LOC128462377: variants seen among roughly 807,000 people sequenced by gnomAD.
the LOC128462377 span, among the ~76,000 whole-genome samples, chr16:89,417,945 G>T: frequency 2.0e-5 from 3 of 152,202 alleles, no homozygotes; most frequent in Non-Finnish European, 4.4e-5. Context: ...AGCACAGGGT[G>T]GGGGTCTCAG....
chr16:89,329,490 G>A, the LOC128462377 span, among the ~76,000 whole-genome samples: 3 of 152,146 alleles, frequency 2.0e-5, no homozygotes, highest in Admixed American at 6.5e-5. Context: ...TTTCCCCAAC[G>A]GTATACGTTT....
the LOC128462377 span, among the ~76,000 whole-genome samples, chr16:89,326,795 T>C: frequency 7.9e-5 from 12 of 152,244 alleles, no homozygotes; most frequent in Middle Eastern, 0.01. Flanking sequence ...GAAAAAGTGC[T>C]TGGCCCAGAG....
At chr16:89,398,387 A>G in the LOC128462377 span, among the ~76,000 whole-genome samples, 13 of 51,982 alleles carry the variant, frequency 2.5e-4, no homozygotes, top group African/African-American at 8.1e-4. Flanking sequence ...TGTGAAACAG[A>G]TGAAGATTAC....
the LOC128462377 span, among the ~76,000 whole-genome samples, chr16:89,319,288 T>G: frequency 1.3e-5 from 2 of 152,340 alleles, no homozygotes; most frequent in South Asian, 4.1e-4. Context: ...CTGAGACACC[T>G]GATTCTCTTC....
the LOC128462377 span, among the ~76,000 whole-genome samples, chr16:89,346,187 G>A: frequency 6.9e-6 from 1 of 145,376 alleles, no homozygotes; most frequent in South Asian, 2.3e-4. Flanking sequence ...AGGTGAGGTT[G>A]TAATGAGCCA....
At chr16:89,379,950 C>T in the LOC128462377 span, among the ~76,000 whole-genome samples, 1 of 152,182 alleles carries the variant, frequency 6.6e-6, no homozygotes, top group African/African-American at 2.4e-5. Context: ...TCTCAAAACA[C>T]ACACTTTCAT....
the LOC128462377 span, among the ~76,000 whole-genome samples, chr16:89,355,717 T>C: frequency 6.6e-6 from 1 of 152,246 alleles, no homozygotes. Flanking sequence ...GAACTTCATC[T>C]TGTTATGAGC....
chr16:89,385,517 C>T, the LOC128462377 span, among the ~76,000 whole-genome samples: 1 of 152,174 alleles, frequency 6.6e-6, no homozygotes, highest in Non-Finnish European at 1.5e-5. Context: ...ACACCGAGAC[C>T]CTGTGGGTAT....
the LOC128462377 span, among the ~76,000 whole-genome samples, chr16:89,331,985 CA>C: frequency 1.3e-5 from 2 of 151,764 alleles, no homozygotes; most frequent in Non-Finnish European, 1.5e-5. Context: ...ACAAAACATT[CA>C]AAAAAAATTT....
At chr16:89,358,207 C>A in the LOC128462377 span, among the ~76,000 whole-genome samples, 1 of 152,222 alleles carries the variant, frequency 6.6e-6, no homozygotes, top group African/African-American at 2.4e-5. Flanking sequence ...AGGCCACAGC[C>A]CCCACACCTC....
the LOC128462377 span, among the ~76,000 whole-genome samples, chr16:89,394,167 G>T: frequency 1.3e-5 from 2 of 152,138 alleles, no homozygotes; most frequent in African/African-American, 4.8e-5. Context: ...GTCCTCCTGA[G>T]GTCAACGGGC....
the LOC128462377 span, chr16:89,361,529 G>A: frequency 2.0e-5 from 3 of 152,234 alleles, no homozygotes; most frequent in African/African-American, 7.2e-5. Flanking sequence ...TTTCTTCTTT[G>A]GTTATGATGC....
At chr16:89,403,800 A>G in the LOC128462377 span, 4 of 152,136 alleles carry the variant, frequency 2.6e-5, no homozygotes, top group African/African-American at 9.7e-5. Flanking sequence ...GGGTGTGGTG[A>G]CATGCGTCTG....
At chr16:89,354,611 G>T in the LOC128462377 span, among the ~76,000 whole-genome samples, 1 of 152,218 alleles carries the variant, frequency 6.6e-6, no homozygotes, top group African/African-American at 2.4e-5. Context: ...GCAGGGCACG[G>T]TGGCTCACTC....
chr16:89,382,293 T>C, the LOC128462377 span, among the ~76,000 whole-genome samples: 1 of 151,730 alleles, frequency 6.6e-6, no homozygotes, highest in Non-Finnish European at 1.5e-5. Context: ...CATCTTAAAC[T>C]AGACAGCCAG....
chr16:89,397,988 A>C, the LOC128462377 span, among the ~76,000 whole-genome samples: 14 of 152,264 alleles, frequency 9.2e-5, no homozygotes, highest in African/African-American at 3.1e-4. Context: ...CACCAAAAAC[A>C]ACCACAAAGC....
chr16:89,346,522 C>T, the LOC128462377 span, among the ~76,000 whole-genome samples: 1 of 152,332 alleles, frequency 6.6e-6, no homozygotes, highest in Non-Finnish European at 1.5e-5. Context: ...GACAACTACA[C>T]CACACGCCTA....
chr16:89,404,264 C>CTG, the LOC128462377 span, among the ~76,000 whole-genome samples: 5 of 152,160 alleles, frequency 3.3e-5, 1 homozygote, highest in Non-Finnish European at 7.3e-5. Context: ...TATCCACCCT[C>CTG]ACCAAGGCAC....
chr16:89,400,985 G>T, the LOC128462377 span, among the ~76,000 whole-genome samples: 4 of 152,192 alleles, frequency 2.6e-5, no homozygotes, highest in South Asian at 2.1e-4. Flanking sequence ...GCCTGGCATG[G>T]CACCCAAGAC....
Sources: allele counts gnomAD v4.1 joint callset (sites outside exome capture counted in the v4.1 genomes callset), GRCh38; gene constraint gnomAD v4.1.1; transcripts MANE v1.5.